NTM: variants seen among roughly 807,000 people sequenced by gnomAD.
The protein encoded by NTM is IgLON family member 2.
A neutral mutation model predicts 42.1 loss-of-function variants in NTM; 13 were observed. That is an observed-to-expected ratio of 0.31 (90% CI 0.20 to 0.49). NTM has a LOEUF of 0.49. Ranked by LOEUF, NTM falls within the 20% of genes least tolerant of loss-of-function variation. The pLI is 0.99. For missense variants in NTM, 373 were observed against 452.8 expected, an observed-to-expected ratio of 0.82 and a Z score of 1.60; for synonymous variants, 187 against 179.2, an observed-to-expected ratio of 1.04 and a Z score of -0.35.
At chr11:131,872,204 G>A (rs1357804551) in intron 1 of NTM, among the ~76,000 whole-genome samples, 1 of 152,208 alleles carries the variant, frequency 6.6e-6, no homozygotes, top group East Asian at 1.9e-4. Context: ...AACAGGTGAG[G>A]AAACAGAACT....
chr11:131,525,018 G>GGAT (rs1321350785), intron 1 of NTM, among the ~76,000 whole-genome samples: 1 of 152,002 alleles, frequency 6.6e-6, no homozygotes, highest in Non-Finnish European at 1.5e-5. Context: ...TAAGGTGATG[G>GGAT]GATGTATCCT....
chr11:131,832,574 G>C (rs1306552528), intron 1 of NTM, among the ~76,000 whole-genome samples: 1 of 152,138 alleles, frequency 6.6e-6, no homozygotes, highest in Non-Finnish European at 1.5e-5. Context: ...TTCACCCTCA[G>C]CTTGGATATG....
At chr11:131,785,654 T>G (rs2089026283) in intron 1 of NTM, among the ~76,000 whole-genome samples, 1 of 152,216 alleles carries the variant, frequency 6.6e-6, no homozygotes, top group Admixed American at 6.5e-5. Context: ...GGCAGAAATC[T>G]TGCTCAAAGA....
At chr11:132,153,546 C>T (rs987305608) in intron 3 of NTM, among the ~76,000 whole-genome samples, 1 of 152,178 alleles carries the variant, frequency 6.6e-6, no homozygotes, top group Admixed American at 6.5e-5. Context: ...ATATCAAGAG[C>T]AGCTGACTTG....
intron 2 of NTM, among the ~76,000 whole-genome samples, chr11:132,102,967 G>A (rs1400483446): frequency 6.6e-6 from 1 of 152,188 alleles, no homozygotes; most frequent in African/African-American, 2.4e-5. Flanking sequence ...GAGCACAACA[G>A]AGCCAAATTG....
intron 4 of NTM, among the ~76,000 whole-genome samples, chr11:132,223,033 A>G: frequency 6.6e-6 from 1 of 152,168 alleles, no homozygotes; most frequent in South Asian, 2.1e-4. Flanking sequence ...TCATTGATTT[A>G]TTTATTTCGA....
chr11:132,330,228 G>A (rs1565498112), intron 8 of NTM, 43 bp downstream of exon 8: 3 of 1,533,206 alleles, frequency 2.0e-6, no homozygotes, highest in African/African-American at 1.4e-5. Flanking sequence ...GTGGGTGTGG[G>A]GTATGTAAAA....
chr11:131,380,958 C>A (rs531506193), intron 1 of NTM, among the ~76,000 whole-genome samples: 13 of 152,252 alleles, frequency 8.5e-5, no homozygotes, highest in African/African-American at 3.1e-4. Flanking sequence ...GATCCTAAAT[C>A]TTTTTTCCCG....
intron 3 of NTM, among the ~76,000 whole-genome samples, chr11:132,176,498 A>T (rs183932080): frequency 1.3e-5 from 2 of 152,298 alleles, no homozygotes; most frequent in East Asian, 3.9e-4. Context: ...TCATTTGAAA[A>T]TTCTAAATTA....
intron 1 of NTM, among the ~76,000 whole-genome samples, chr11:131,789,928 C>A (rs1374291734): frequency 7.4e-6 from 1 of 134,774 alleles, no homozygotes; most frequent in Admixed American, 7.7e-5. Flanking sequence ...TGCACTCCAG[C>A]CTGGGCGACA....
intron 1 of NTM, among the ~76,000 whole-genome samples, chr11:131,874,057 A>G (rs1414922645): frequency 3.4e-5 from 2 of 58,610 alleles, no homozygotes; most frequent in East Asian, 1.2e-3. Flanking sequence ...ATATATATAT[A>G]TATATATATA....
intron 2 of NTM, among the ~76,000 whole-genome samples, chr11:132,043,299 G>A (rs2077451431): frequency 6.6e-6 from 1 of 152,212 alleles, no homozygotes; most frequent in Non-Finnish European, 1.5e-5. Context: ...CAAGCAATAT[G>A]TGTTCTGGTT....
intron 3 of NTM, among the ~76,000 whole-genome samples, chr11:132,188,894 T>C (rs1429921296): frequency 1.3e-5 from 2 of 152,158 alleles, no homozygotes; most frequent in African/African-American, 4.8e-5. Context: ...ATGGGAGCCA[T>C]TTCCTCTGCC....
At chr11:131,372,324 G>A (rs546409719) in intron 1 of NTM, among the ~76,000 whole-genome samples, 7 of 152,098 alleles carry the variant, frequency 4.6e-5, no homozygotes, top group Non-Finnish European at 8.8e-5. Flanking sequence ...CCAACCCCAG[G>A]AGGCATGGGC....
chr11:132,082,553 C>A (rs1354858132), intron 2 of NTM, among the ~76,000 whole-genome samples: 2 of 152,180 alleles, frequency 1.3e-5, no homozygotes, highest in Admixed American at 1.3e-4. Flanking sequence ...TTAGGCAAGC[C>A]CCCTCTGCAC....
In NTM at chr11:132,003,915, C is replaced by T. The variant is rs1192325006; in HGVS notation, c.167+92267C>T. On this transcript the variant is annotated intron_variant, in intron 2 of 8. Coordinates refer to ENST00000683400, the MANE Select transcript of NTM (RefSeq NM_001352005.2). This position sits in a 1 kb window ranked among gnomAD's most constrained non-coding sequence, Gnocchi z 6.0. The stretch of plus-strand genomic sequence containing the variant: ...GACTTCTTTTTGAACATTCTTTAGC[C>T]ACTCGATGGCCCAGAGCCCCATCCT... Among the ~76,000 whole-genome samples, 2 of 152,182 alleles carry T rather than the reference C, an allele frequency of 1.3e-5. No individual in the cohort carries two copies. The highest frequency in any genetic ancestry group is 2.9e-5 in the Non-Finnish European group (2 of 68,034).
intron 1 of NTM, among the ~76,000 whole-genome samples, chr11:131,581,329 T>C (rs2058392079): frequency 6.6e-6 from 1 of 152,188 alleles, no homozygotes; most frequent in South Asian, 2.1e-4. Context: ...CACAAGATAT[T>C]ACTGAAGATT....
In NTM at chr11:132,180,372, A is replaced by C. The variant is rs1164835303; in HGVS notation, c.401-31650A>C. Among the ~76,000 whole-genome samples, 3 of 152,164 alleles carry C rather than the reference A, an allele frequency of 2.0e-5. No homozygotes were observed. The East Asian group carries it at 5.8e-4, about 29-fold the overall frequency. ...CTAAACAGTGATGGATTATTATTAA[A>C]GGCAGAGATTAGCCAAGAAGTAAAG... is the stretch of plus-strand genomic sequence containing the variant. On this transcript the variant is annotated intron_variant, in intron 3 of 8. Transcript: ENST00000683400.
At chr11:132,280,687 T>C (rs2093943985) in intron 4 of NTM, among the ~76,000 whole-genome samples, 1 of 152,036 alleles carries the variant, frequency 6.6e-6, no homozygotes, top group Non-Finnish European at 1.5e-5. Context: ...GGTTTCACCA[T>C]GTTGGCCAGG....
Sources: gnomAD v4.1 joint callset for allele counts (sites outside exome capture counted in the v4.1 genomes callset) on GRCh38, gnomAD v4.1.1 for gene constraint, Gnocchi (gnomAD v3.1) non-coding constraint, MANE v1.5 for transcripts, NCBI Gene and HGNC (gene_info 2026-07-23, HGNC 2026-07-21) for gene names.